Variants in RAB7B observed in about 807,000 individuals in gnomAD.
RAB7B encodes the protein ras-related protein Rab-7b.
intron 1 of RAB7B, among the ~76,000 whole-genome samples, chr1:205,995,274 AC>A (rs1202609671): frequency 5.3e-5 from 8 of 152,214 alleles, no homozygotes; most frequent in Admixed American, 3.3e-4. Flanking sequence ...TTAAAAAAAA[AC>A]AACAGAAGAT....
chr1:205,985,011 A>G (rs1660565007), intron 5 of RAB7B, among the ~76,000 whole-genome samples: 5 of 152,130 alleles, frequency 3.3e-5, no homozygotes, highest in Admixed American at 6.5e-5. Flanking sequence ...TTAGGGGCCT[A>G]TCTGCCTGCC....
intron 4 of RAB7B, among the ~76,000 whole-genome samples, chr1:205,988,758 A>T (rs1033244025): frequency 1.2e-3 from 185 of 152,210 alleles, no homozygotes; most frequent in African/African-American, 4.4e-3. Context: ...AGGCACATGG[A>T]CCAGGTGGGC....
chr1:205,993,048 C>T lies in RAB7B; in HGVS notation c.181-353G>A, dbSNP rs935952427. On this transcript the variant is annotated intron_variant, in intron 3 of 5. Transcript: ENST00000617070. ...GTTTTCCAGAGAACCTGAGACTAGG[C>T]GTGGGGTCTCTCAACTCCTGGATTA... is the stretch of plus-strand genomic sequence containing the variant. Among the ~76,000 whole-genome samples, 1,413 of 152,314 alleles carry T rather than the reference C, an allele frequency of 9.3e-3. 14 individuals are homozygous for T. The highest frequency in any genetic ancestry group is 0.025 in the African/African-American group (1,027 of 41,562).
intron 1 of RAB7B, among the ~76,000 whole-genome samples, chr1:205,995,841 G>A (rs1441254479): frequency 6.6e-5 from 10 of 152,076 alleles, no homozygotes; most frequent in African/African-American, 2.4e-4. Flanking sequence ...ACAATGTATT[G>A]TATTCTTGAA....
intron 1 of RAB7B, among the ~76,000 whole-genome samples, chr1:206,002,223 G>A (rs1431170510): frequency 6.6e-6 from 1 of 152,124 alleles, no homozygotes; most frequent in Non-Finnish European, 1.5e-5. Context: ...TCACAATTCC[G>A]CCTTACCCAC....
chr1:205,996,358 T>C (rs1427159274), intron 1 of RAB7B, among the ~76,000 whole-genome samples: 1 of 152,152 alleles, frequency 6.6e-6, no homozygotes, highest in African/African-American at 2.4e-5. Context: ...GTGTCAAAAG[T>C]TGGTCAGCTT....
chr1:205,996,143 AGT>A (rs1182397777), intron 1 of RAB7B, among the ~76,000 whole-genome samples: 16,324 of 142,690 alleles, frequency 0.11, 1,065 homozygotes, highest in East Asian at 0.22. Flanking sequence ...GTAAATGTAT[AGT>A]GTGTGTGTGT....
intron 1 of RAB7B, among the ~76,000 whole-genome samples, chr1:205,996,143 A>AGTGTGTGT (rs1182397777): frequency 1.9e-3 from 275 of 142,900 alleles, no homozygotes; most frequent in African/African-American, 4.3e-3. Flanking sequence ...GTAAATGTAT[A>AGTGTGTGT]GTGTGTGTGT....
chr1:206,000,648 T>C (rs1214157921), intron 1 of RAB7B, among the ~76,000 whole-genome samples: 1 of 152,178 alleles, frequency 6.6e-6, no homozygotes, highest in Non-Finnish European at 1.5e-5. Context: ...TCCAGATAAT[T>C]GTTTACCAGC....
At chr1:205,983,609 A>T (rs1660533283) in intron 5 of RAB7B, 1 of 152,186 alleles carries the variant, frequency 6.6e-6, no homozygotes, top group South Asian at 2.1e-4. Flanking sequence ...GAATAGTCAT[A>T]TGTCTTGCCA....
intron 4 of RAB7B, among the ~76,000 whole-genome samples, chr1:205,987,215 C>G (rs1037919057): frequency 6.6e-6 from 1 of 152,146 alleles, no homozygotes; most frequent in East Asian, 1.9e-4. Flanking sequence ...CTTCCAATCC[C>G]AGAGACAGTT....
intron 4 of RAB7B, among the ~76,000 whole-genome samples, chr1:205,986,831 A>G (rs954572108): frequency 5.9e-5 from 9 of 152,218 alleles, no homozygotes; most frequent in Non-Finnish European, 1.2e-4. Flanking sequence ...AGAAAGGACC[A>G]TTCCACCCCT....
In RAB7B at chr1:205,990,791, C is replaced by CTTTTTT. The variant is rs1188419083; in HGVS notation, c.396+1683_396+1688dup. On this transcript the variant is annotated intron_variant, in intron 4 of 5. Coordinates refer to ENST00000617070, the MANE Select transcript of RAB7B (RefSeq NM_001164522.3). ...TGCAAGACTGTCTTTTTCTTTCTTT[C>CTTTTTT]TTTTTTTTTTTTTTGAGATGAAGTC... Among the ~76,000 whole-genome samples, 201 of 138,622 alleles carry CTTTTTT rather than the reference C, an allele frequency of 1.4e-3. 3 individuals carry two copies. Among genetic ancestry groups the CTTTTTT allele is most frequent in the Non-Finnish European group, 2.5e-3 (162 of 65,512 alleles). 90.9% of individuals were successfully genotyped at this position (138,622 alleles called of 152,430 possible). A position where few individuals can be genotyped will look rare whatever the true frequency, so the allele number is the denominator to read the frequency against.
chr1:205,990,318 C>A (rs1333235197), intron 4 of RAB7B, among the ~76,000 whole-genome samples: 1 of 152,204 alleles, frequency 6.6e-6, no homozygotes, highest in Non-Finnish European at 1.5e-5. Context: ...AAGGACTCAT[C>A]TCTAGCTAAA....
intron 4 of RAB7B, among the ~76,000 whole-genome samples, chr1:205,988,218 ATG>A (rs1335243897): frequency 7.1e-6 from 1 of 140,324 alleles, no homozygotes; most frequent in Admixed American, 7.5e-5. Context: ...TGATGTATGT[ATG>A]TGTGTGTGGG....
At chr1:205,987,944 T>C (rs1211975539) in intron 4 of RAB7B, among the ~76,000 whole-genome samples, 1 of 152,120 alleles carries the variant, frequency 6.6e-6, no homozygotes, top group Non-Finnish European at 1.5e-5. Flanking sequence ...GGGGTCTCAC[T>C]ATGCTGCCCA....
At chr1:205,979,126 C>T (rs1215363112) in intron 5 of RAB7B, among the ~76,000 whole-genome samples, 198 bp from the exon 6 acceptor site, 1 of 152,104 alleles carries the variant, frequency 6.6e-6, no homozygotes, top group Non-Finnish European at 1.5e-5. Context: ...AGCCTCTTCC[C>T]AGGAGCCCAG....
intron 4 of RAB7B, among the ~76,000 whole-genome samples, chr1:205,988,383 C>A (rs1410518902): frequency 6.6e-6 from 1 of 151,632 alleles, no homozygotes; most frequent in Non-Finnish European, 1.5e-5. Flanking sequence ...TGTGCCACCA[C>A]ACCTGGCTAA....
chr1:205,985,805 C>CCAGGCCTACCAGGCCCACCATCCCCAT (rs1660592176), intron 4 of RAB7B, 140 bp from the exon 5 acceptor site: 11 of 377,402 alleles, frequency 2.9e-5, no homozygotes, highest in South Asian at 1.2e-4. Flanking sequence ...ACCATCCCCA[C>CCAGGCCTACCAGGCCCACCATCCCCAT]CAGGCCCACC....
Sources: allele counts gnomAD v4.1 joint callset (sites outside exome capture counted in the v4.1 genomes callset), GRCh38; gene constraint gnomAD v4.1.1; transcripts MANE v1.5; gene names NCBI Gene and HGNC (gene_info 2026-07-23, HGNC 2026-07-21).